ROBO2: variants seen among roughly 807,000 people sequenced by gnomAD.
The protein encoded by ROBO2 is roundabout homolog 2.
Under a neutral mutation model 160.8 loss-of-function variants are expected in ROBO2, and 53 were observed. The observed-to-expected ratio is 0.33, with a 90% CI of 0.26 to 0.41. ROBO2 has a LOEUF of 0.41. Among genes scored for constraint, ROBO2 ranks in the 10% least tolerant of loss-of-function variants. The probability of loss-of-function intolerance (pLI) is 1.00; values close to 1 mark genes in which losing one functional copy is unlikely to be tolerated. For synonymous variants in ROBO2, 664 were observed against 611.7 expected (o/e 1.09, Z -1.26); for missense variants, 1,577 against 1,722.4 (o/e 0.92, Z 1.49).
chr3:75,998,294 AT>A (rs1289112247), intron 2 of ROBO2, among the ~76,000 whole-genome samples: 2 of 152,296 alleles, frequency 1.3e-5, no homozygotes, highest in South Asian at 2.1e-4. Context: ...CCCTAAAGCA[AT>A]TTTTTATTAT....
Position 77,109,947 on chromosome 3 carries a change from G to A in ROBO2, c.388+11607G>A, listed in dbSNP as rs372294570. 1.3e-4 allele frequency among the ~76,000 whole-genome samples: 20 copies of A among 152,344 alleles called. No homozygotes were observed. In the East Asian group the frequency reaches 2.7e-3, roughly 21 times the overall value. On this transcript the variant is annotated intron_variant, in intron 2 of 25. Transcript: ENST00000461745. ...TACAATGATGACCCCTGGAATAGGT[G>A]AAGTCCAAGAGTAGCATTTTGGCGC...
chr3:77,415,031 G>A (rs923796564), intron 2 of ROBO2, among the ~76,000 whole-genome samples: 1 of 152,158 alleles, frequency 6.6e-6, no homozygotes, highest in Admixed American at 6.6e-5. Flanking sequence ...TTTGAGGACT[G>A]CTCACTCCAC....
At chr3:76,277,042 G>T (rs1334127068) in intron 2 of ROBO2, among the ~76,000 whole-genome samples, 1 of 151,974 alleles carries the variant, frequency 6.6e-6, no homozygotes, top group Non-Finnish European at 1.5e-5. Flanking sequence ...AACAAAGTTT[G>T]TGTACTTTGA....
chr3:77,204,903 C>T (rs1296268521), intron 2 of ROBO2, among the ~76,000 whole-genome samples: 1 of 152,220 alleles, frequency 6.6e-6, no homozygotes, highest in African/African-American at 2.4e-5. Context: ...CACTGATTCC[C>T]CTTGCGGGGC....
intron 2 of ROBO2, among the ~76,000 whole-genome samples, chr3:76,087,324 C>G (rs967901978): frequency 2.6e-5 from 4 of 151,986 alleles, no homozygotes; most frequent in African/African-American, 9.7e-5. Context: ...TATCTGACTT[C>G]CTTTCAGAAG....
intron 2 of ROBO2, among the ~76,000 whole-genome samples, chr3:77,152,888 C>T (rs1385838043): frequency 1.3e-5 from 2 of 151,944 alleles, no homozygotes; most frequent in Non-Finnish European, 2.9e-5. Context: ...TTTTTCTTAC[C>T]CCAGAAGAAA....
chr3:76,416,649 T>C (rs2075768934), intron 2 of ROBO2, among the ~76,000 whole-genome samples: 1 of 152,160 alleles, frequency 6.6e-6, no homozygotes, highest in South Asian at 2.1e-4. Flanking sequence ...TCAAGTATTT[T>C]AATGTACCGA....
At chr3:77,630,499 C>T (rs542292701) in intron 23 of ROBO2, 2 of 149,720 alleles carry the variant, frequency 1.3e-5, no homozygotes, top group African/African-American at 2.5e-5. Context: ...AATCACCCCC[C>T]ACAAAGTCCC....
intron 16 of ROBO2, among the ~76,000 whole-genome samples, chr3:77,585,713 G>A (rs1038906687): frequency 6.6e-6 from 1 of 151,958 alleles, no homozygotes; most frequent in Non-Finnish European, 1.5e-5. Context: ...CTTGTACTGA[G>A]AAGCCTTCTA....
At chr3:76,474,514 TA>T (rs1389396586) in intron 2 of ROBO2, among the ~76,000 whole-genome samples, 1 of 152,042 alleles carries the variant, frequency 6.6e-6, no homozygotes, top group Non-Finnish European at 1.5e-5. Flanking sequence ...AAAGCAGTAA[TA>T]AACAACAGCA....
intron 5 of ROBO2, among the ~76,000 whole-genome samples, chr3:77,511,511 G>A (rs12638198): frequency 0.15 from 22,457 of 151,870 alleles, 1,724 homozygotes; most frequent in East Asian, 0.2. Context: ...CTATTGTCCT[G>A]TTGCGGTGAA....
At chr3:77,387,334 CT>C (rs2074235142) in intron 2 of ROBO2, among the ~76,000 whole-genome samples, 1 of 78,716 alleles carries the variant, frequency 1.3e-5, no homozygotes, top group Non-Finnish European at 2.5e-5. Flanking sequence ...GAAACCCCGT[CT>C]CTCAAAAAAA....
intron 2 of ROBO2, among the ~76,000 whole-genome samples, chr3:76,796,868 A>T (rs1241755097): frequency 6.6e-6 from 1 of 151,992 alleles, no homozygotes; most frequent in Admixed American, 6.6e-5. Flanking sequence ...TTATATAATT[A>T]TAAGGGGATA....
chr3:77,373,723 T>C (rs1343585960), intron 2 of ROBO2, among the ~76,000 whole-genome samples: 2 of 151,842 alleles, frequency 1.3e-5, no homozygotes, highest in East Asian at 1.9e-4. Flanking sequence ...ATCCTCTCTA[T>C]AGGGAGAAAA....
At chr3:77,618,764 C>G (rs1165449102) in intron 22 of ROBO2, among the ~76,000 whole-genome samples, 1 of 152,112 alleles carries the variant, frequency 6.6e-6, no homozygotes, top group East Asian at 1.9e-4. Flanking sequence ...TTATTACAAA[C>G]AGCCTCTTTT....
At chr3:77,364,961 A>G (rs2070624500) in intron 2 of ROBO2, among the ~76,000 whole-genome samples, 2 of 152,200 alleles carry the variant, frequency 1.3e-5, no homozygotes, top group Middle Eastern at 3.4e-3. Context: ...CCTGGCCAAC[A>G]TGGTGAAAAC....
intron 2 of ROBO2, among the ~76,000 whole-genome samples, chr3:76,662,744 CAG>C (rs1402928538): frequency 6.6e-6 from 1 of 152,038 alleles, no homozygotes; most frequent in Non-Finnish European, 1.5e-5. Context: ...ATGTCAGGAA[CAG>C]GGGACAGTCT....
chr3:76,085,908 A>G (rs1211575573), intron 2 of ROBO2, among the ~76,000 whole-genome samples: 2 of 152,182 alleles, frequency 1.3e-5, no homozygotes, highest in African/African-American at 4.8e-5. Context: ...AAATCTCTCA[A>G]GCTTCTGGCA....
At chr3:77,248,322 C>G (rs1165072261) in intron 2 of ROBO2, among the ~76,000 whole-genome samples, 1 of 152,074 alleles carries the variant, frequency 6.6e-6, no homozygotes, top group Non-Finnish European at 1.5e-5. Flanking sequence ...AACTCGGGTG[C>G]CACGAGTGTG....
Sources: allele counts gnomAD v4.1 joint callset (sites outside exome capture counted in the v4.1 genomes callset), GRCh38; gene constraint gnomAD v4.1.1; transcripts MANE v1.5; gene names NCBI Gene and HGNC (gene_info 2026-07-23, HGNC 2026-07-21).